The following CEP57 variants were observed in gnomAD, a reference collection of about 807,000 sequenced individuals.
The protein encoded by CEP57 is centrosomal protein of 57 kDa.
Under a neutral mutation model 68.0 loss-of-function variants are expected in CEP57, and 40 were observed. That is an observed-to-expected ratio of 0.59 (90% CI 0.46 to 0.77). The LOEUF (loss-of-function observed/expected upper bound fraction) is 0.77. Ranked by LOEUF, CEP57 falls within the 30% of genes least tolerant of loss-of-function variation. The pLI is 0.00. For synonymous variants in CEP57, 219 were observed against 198.7 expected, an observed-to-expected ratio of 1.10 and a Z score of -0.86; for missense variants, 606 against 580.7, an observed-to-expected ratio of 1.04 and a Z score of -0.45.
intron 1 of CEP57, among the ~76,000 whole-genome samples, chr11:95,794,569 A>T (rs936102583): frequency 1.3e-5 from 2 of 149,964 alleles, no homozygotes; most frequent in African/African-American, 4.9e-5. Flanking sequence ...AACCTTTACT[A>T]GTGTGTGTGT....
At chr11:95,818,328 T>C (rs1862387859) in intron 5 of CEP57, among the ~76,000 whole-genome samples, 1 of 151,732 alleles carries the variant, frequency 6.6e-6, no homozygotes, top group African/African-American at 2.4e-5. Context: ...GGAGAATCGC[T>C]TGAAACCAGG....
intron 2 of CEP57, among the ~76,000 whole-genome samples, chr11:95,806,005 A>C (rs530250971): frequency 1.3e-5 from 2 of 152,344 alleles, no homozygotes; most frequent in South Asian, 4.1e-4. Context: ...GAACTGTCCA[A>C]GTATATAAAG....
intron 2 of CEP57, among the ~76,000 whole-genome samples, chr11:95,812,539 T>C (rs950173910): frequency 6.6e-6 from 1 of 151,674 alleles, no homozygotes; most frequent in South Asian, 2.1e-4. Flanking sequence ...CCCACCCGGG[T>C]TCAAGCGATT....
intron 4 of CEP57, among the ~76,000 whole-genome samples, chr11:95,817,083 T>G (rs1051087745): frequency 6.6e-6 from 1 of 151,514 alleles, no homozygotes; most frequent in Non-Finnish European, 1.5e-5. Context: ...AAAAAAAGTT[T>G]AGGGCCAGGT....
intron 2 of CEP57, among the ~76,000 whole-genome samples, chr11:95,806,194 T>A (rs1220229926): frequency 5.9e-5 from 9 of 152,204 alleles, no homozygotes; most frequent in Non-Finnish European, 8.8e-5. Flanking sequence ...TTCATTTTCT[T>A]TAAGTGCTTT....
intron 1 of CEP57, among the ~76,000 whole-genome samples, chr11:95,797,237 G>T (rs1167045637): frequency 6.9e-6 from 1 of 145,612 alleles, no homozygotes. Context: ...CCCAATCTTG[G>T]CTCACCACAA....
At chr11:95,794,212 T>A (rs1339954386) in intron 1 of CEP57, 2 of 454,306 alleles carry the variant, frequency 4.4e-6, no homozygotes, top group Non-Finnish European at 4.4e-6. Context: ...TTTTCTTTTT[T>A]TTTTCCAGAC....
intron 2 of CEP57, among the ~76,000 whole-genome samples, chr11:95,804,965 A>G (rs1302148793): frequency 6.6e-6 from 1 of 152,244 alleles, no homozygotes; most frequent in Non-Finnish European, 1.5e-5. Context: ...GCATTTAAAC[A>G]GGGATATGTA....
At chr11:95,826,124 C>A (rs1291932593) in intron 8 of CEP57, 1 of 152,334 alleles carries the variant, frequency 6.6e-6, no homozygotes, top group Non-Finnish European at 1.5e-5. Flanking sequence ...CTCTGCCACT[C>A]CTGAGACAGC....
chr11:95,831,303 A>ATTG lies in CEP57; in HGVS notation c.*47_*48insTTG. On this transcript the variant is annotated 3_prime_UTR_variant, in exon 11 of 11. Coordinates refer to ENST00000325542, the MANE Select transcript of CEP57 (RefSeq NM_014679.5). ...TTATTCAGATAATCTGTACCTCATC[A>ATTG]ATCAGATGATGACAATTTACTTCCC... 7.6e-7 allele frequency: 1 copy of ATTG among 1,308,330 alleles called. No homozygotes were observed. Among genetic ancestry groups the ATTG allele is most frequent in the Non-Finnish European group, 1.1e-6 (1 of 908,662 alleles). The allele number at this position is 1,308,330 out of a possible 1,614,324, so 81.0% of individuals were successfully genotyped here.
At chr11:95,812,795 T>G (rs1397941525) in intron 2 of CEP57, 137 bp from the exon 3 acceptor site, 1 of 811,348 alleles carries the variant, frequency 1.2e-6, no homozygotes, top group Admixed American at 1.9e-5. Flanking sequence ...AATTAACATT[T>G]TATTGTTCCC....
intron 5 of CEP57, 94 bp downstream of exon 5, chr11:95,817,997 A>C (rs1862371309): frequency 1.3e-6 from 1 of 775,832 alleles, no homozygotes; most frequent in Admixed American, 1.9e-5. Flanking sequence ...ATAGCATTAA[A>C]AGTGATCTTA....
At chr11:95,790,780 C>A (rs763580269) in intron 1 of CEP57, 37 bp downstream of exon 1, 1 of 1,611,576 alleles carries the variant, frequency 6.2e-7, no homozygotes, top group Admixed American at 1.7e-5. Context: ...CCCACGTCGG[C>A]CCTAAGCGCC....
rs1364685470 is a variant in CEP57 at position 95,832,383 on chromosome 11, A to C, written c.*1127A>C. ...CATGCTTACATAGAAAGAGAGCCCA[A>C]GAATATTAGATTTCCTCATGATACA... On this transcript the variant is annotated 3_prime_UTR_variant, in exon 11 of 11. Coordinates refer to ENST00000325542, the MANE Select transcript of CEP57 (RefSeq NM_014679.5). 6.6e-6 allele frequency: 1 copy of C among 152,156 alleles called. No homozygotes were observed. Among genetic ancestry groups the C allele is most frequent in the Non-Finnish European group, 1.5e-5 (1 of 68,006 alleles). The allele number at this position is 152,156 out of a possible 1,614,324, so 9.4% of individuals were successfully genotyped here.
At chr11:95,812,806 A>C in intron 2 of CEP57, 126 bp from the exon 3 acceptor site, 1 of 863,068 alleles carries the variant, frequency 1.2e-6, no homozygotes, top group South Asian at 1.4e-5. Context: ...TATTGTTCCC[A>C]AAGAGTGATC....
intron 9 of CEP57, among the ~76,000 whole-genome samples, 173 bp downstream of exon 9, chr11:95,828,200 T>C (rs1862836315): frequency 6.6e-6 from 1 of 152,168 alleles, no homozygotes. Context: ...AAGGGTAAAA[T>C]CTCTCTCTTT....
intron 2 of CEP57, among the ~76,000 whole-genome samples, chr11:95,800,632 C>T (rs1271987020): frequency 6.6e-6 from 1 of 152,134 alleles, no homozygotes; most frequent in African/African-American, 2.4e-5. Context: ...CCTCGTGATC[C>T]ACCCGCCTTG....
At chr11:95,806,936 AC>A (rs1385110287) in intron 2 of CEP57, among the ~76,000 whole-genome samples, 3 of 151,908 alleles carry the variant, frequency 2.0e-5, no homozygotes, top group African/African-American at 7.3e-5. Flanking sequence ...TGGATCCCTG[AC>A]CCCCAAGTAG....
chr11:95,791,107 C>T (rs578256786), intron 1 of CEP57, among the ~76,000 whole-genome samples: 23 of 152,262 alleles, frequency 1.5e-4, no homozygotes, highest in Non-Finnish European at 2.8e-4. Flanking sequence ...CTAGGAAACT[C>T]GCCAGATCAG....
Sources: allele counts gnomAD v4.1 joint callset (sites outside exome capture counted in the v4.1 genomes callset), GRCh38; gene constraint gnomAD v4.1.1; transcripts MANE v1.5; gene names NCBI Gene and HGNC (gene_info 2026-07-23, HGNC 2026-07-21).